The following SOX5 variants were observed in gnomAD, a reference collection of about 807,000 sequenced individuals.
The protein encoded by SOX5 is SRY-box transcription factor 5.
Under a neutral mutation model 92.0 loss-of-function variants are expected in SOX5, and 9 were observed. The ratio of observed to expected loss-of-function variants is 0.10; its 90% CI spans 0.06 to 0.17. The LOEUF is 0.17. SOX5 is among the 10% of genes least tolerant of loss of function. The pLI is 1.00. For missense variants in SOX5, 642 were observed against 944.5 expected, an observed-to-expected ratio of 0.68 and a Z score of 4.20; for synonymous variants, 344 against 336.3, an observed-to-expected ratio of 1.02 and a Z score of -0.25.
intron 8 of SOX5, among the ~76,000 whole-genome samples, chr12:23,617,808 A>C (rs1303577563): frequency 1.3e-5 from 2 of 152,164 alleles, no homozygotes; most frequent in Non-Finnish European, 2.9e-5. Flanking sequence ...TTTGACTTTT[A>C]TAATTGAAGC....
intron 8 of SOX5, among the ~76,000 whole-genome samples, chr12:23,624,186 T>A (rs1297547113): frequency 6.6e-6 from 1 of 151,962 alleles, no homozygotes; most frequent in Non-Finnish European, 1.5e-5. Flanking sequence ...GATGAGAAGA[T>A]GGGAGAATGA....
At chr12:23,900,771 C>A (rs2097221735) in intron 1 of SOX5, among the ~76,000 whole-genome samples, 1 of 152,026 alleles carries the variant, frequency 6.6e-6, no homozygotes, top group African/African-American at 2.4e-5. Flanking sequence ...GTCAGCCCAG[C>A]CAACATGGTG....
At chr12:24,108,483 C>T (rs1374764937) in intron 4 of SOX5, among the ~76,000 whole-genome samples, 2 of 152,102 alleles carry the variant, frequency 1.3e-5, no homozygotes, top group Non-Finnish European at 2.9e-5. Context: ...TAGTCTATCA[C>T]ACACTACATT....
rs1942338608 is a variant in SOX5, at chr12:24,074,897, TTTTATTTTG to T, written c.-2+138437_-2+138445del. On this transcript the variant is annotated intron_variant, in intron 4 of 4. Coordinates refer to the SOX5 transcript ENST00000446891. ...TTTCTTTTGTTTTTTTGTTTGTTTG[TTTTATTTTG>T]TTTTTTTTTTAACTCTCCAAACCTA... is the stretch of plus-strand genomic sequence containing the variant. Among the ~76,000 whole-genome samples, 3 of 147,676 alleles carry T rather than the reference TTTTATTTTG, an allele frequency of 2.0e-5. No individual in the cohort carries two copies. In the Admixed American group the frequency reaches 2.1e-4, roughly 10 times the overall value.
chr12:23,814,256 A>T (rs1246550454), intron 3 of SOX5, among the ~76,000 whole-genome samples: 1 of 152,176 alleles, frequency 6.6e-6, no homozygotes, highest in Non-Finnish European at 1.5e-5. Flanking sequence ...ATTGAAATGG[A>T]TTCTCTTGCA....
intron 7 of SOX5, among the ~76,000 whole-genome samples, chr12:23,653,722 C>A (rs1044655976): frequency 1.3e-5 from 2 of 152,072 alleles, no homozygotes; most frequent in Non-Finnish European, 2.9e-5. Context: ...TCTCTGGGGC[C>A]ACTCTTATAA....
chr12:23,901,071 TTAAG>T (rs1337974252), intron 1 of SOX5, among the ~76,000 whole-genome samples: 1 of 152,194 alleles, frequency 6.6e-6, no homozygotes, highest in East Asian at 1.9e-4. Context: ...TGTAATTAAA[TTAAG>T]TATTTTGAAA....
chr12:23,769,967 C>T (rs1353983271), intron 3 of SOX5, among the ~76,000 whole-genome samples: 2 of 150,980 alleles, frequency 1.3e-5, no homozygotes, highest in African/African-American at 2.4e-5. Context: ...ATGAGATGGC[C>T]GGGTGTATTT....
At chr12:24,391,906 G>C (rs6487385) in intron 1 of SOX5, among the ~76,000 whole-genome samples, 125,567 of 152,168 alleles carry the variant, frequency 0.83, 51,896 homozygotes, top group East Asian at 0.99. Flanking sequence ...TTCTTCTACA[G>C]GTTATTTCAA....
At chr12:24,334,902 T>A (rs1951720305) in intron 2 of SOX5, among the ~76,000 whole-genome samples, 1 of 112,518 alleles carries the variant, frequency 8.9e-6, no homozygotes, top group Non-Finnish European at 1.9e-5. Context: ...ACAGTTACAA[T>A]CCCAATTATG....
intron 4 of SOX5, among the ~76,000 whole-genome samples, chr12:24,113,085 G>A (rs564319734): frequency 7.7e-4 from 117 of 151,570 alleles, no homozygotes; most frequent in Non-Finnish European, 1.4e-3. Flanking sequence ...CTGTTCAGGT[G>A]CTTATTTAGA....
intron 6 of SOX5, among the ~76,000 whole-genome samples, chr12:23,689,987 T>A (rs1195693397): frequency 6.6e-6 from 1 of 152,216 alleles, no homozygotes; most frequent in African/African-American, 2.4e-5. Context: ...ACATTCAACA[T>A]GAATAAAACT....
intron 4 of SOX5, among the ~76,000 whole-genome samples, chr12:24,133,565 G>T (rs912995912): frequency 6.6e-6 from 1 of 152,136 alleles, no homozygotes; most frequent in Admixed American, 6.6e-5. Context: ...CTGGTGTGCG[G>T]CTCTTCAAAG....
Position 23,694,314 on chromosome 12 carries a change from T to A in SOX5, c.811-28750A>T, listed in dbSNP as rs568011900. Among the ~76,000 whole-genome samples, 4 of 152,328 alleles carry A rather than the reference T, an allele frequency of 2.6e-5. No homozygotes were observed. The South Asian group carries it at 8.3e-4, about 32-fold the overall frequency. On this transcript the variant is annotated intron_variant, in intron 6 of 14. Coordinates refer to ENST00000451604, the MANE Select transcript of SOX5 (RefSeq NM_006940.6). ...TCAATTATGGAACAGTCTCAGCTAC[T>A]TCCCTTTAAATATTAACTCATTTAT...
chr12:24,210,698 A>C (rs892740463), intron 4 of SOX5, among the ~76,000 whole-genome samples: 1 of 152,174 alleles, frequency 6.6e-6, no homozygotes, highest in Admixed American at 6.5e-5. Context: ...AAAGCCAAAA[A>C]CCGTAATTCA....
intron 11 of SOX5, 152 bp downstream of exon 11, chr12:23,563,106 G>A: frequency 1.7e-6 from 1 of 602,886 alleles, no homozygotes. Flanking sequence ...TTTTGATTAG[G>A]ATGGCGATGA....
At chr12:24,396,475 AT>A (rs1960000997) in intron 1 of SOX5, among the ~76,000 whole-genome samples, 1 of 152,226 alleles carries the variant, frequency 6.6e-6, no homozygotes, top group African/African-American at 2.4e-5. Flanking sequence ...TATTCAGCTC[AT>A]TTCATTTAGA....
chr12:23,903,321 C>T (rs1015325416), intron 1 of SOX5, among the ~76,000 whole-genome samples: 1 of 152,148 alleles, frequency 6.6e-6, no homozygotes, highest in South Asian at 2.1e-4. Context: ...TGTGGTTGCT[C>T]ACCCCTTTAT....
At chr12:24,306,787 C>T (rs1948621988) in intron 2 of SOX5, among the ~76,000 whole-genome samples, 1 of 152,108 alleles carries the variant, frequency 6.6e-6, no homozygotes, top group South Asian at 2.1e-4. Flanking sequence ...CCCTTCTACT[C>T]CTACCCCTAA....
Sources: gnomAD v4.1 joint callset for allele counts (sites outside exome capture counted in the v4.1 genomes callset) on GRCh38, gnomAD v4.1.1 for gene constraint, MANE v1.5 for transcripts, NCBI Gene and HGNC (gene_info 2026-07-23, HGNC 2026-07-21) for gene names.